The following TRPV4 variants were observed in gnomAD, a reference collection of about 807,000 sequenced individuals.
TRPV4 encodes the protein OSM9-like transient receptor potential channel 4.
In TRPV4, 58 loss-of-function variants were observed where a neutral mutation model predicts 84.1. That is an observed-to-expected ratio of 0.69 (90% confidence interval 0.56 to 0.86). The LOEUF is 0.86. Among genes scored for constraint, TRPV4 ranks in the 40% least tolerant of loss-of-function variants. The pLI, the probability that TRPV4 is intolerant of heterozygous loss-of-function variation, is 0.00. For synonymous variants in TRPV4, 489 were observed against 500.9 expected (o/e 0.98, Z 0.32); for missense variants, 879 against 1,181.1 (o/e 0.74, Z 3.75).
intron 12 of TRPV4, among the ~76,000 whole-genome samples, chr12:109,789,571 T>C (rs561257647): frequency 1.3e-5 from 2 of 152,260 alleles, no homozygotes; most frequent in Admixed American, 6.5e-5. Context: ...GGTTCTCCTT[T>C]CCTACTAAGC....
In TRPV4 at chr12:109,814,806, A is replaced by G; in HGVS notation, c.-10T>C. 2.6e-6 allele frequency: 4 copies of G among 1,537,958 alleles called. No homozygotes were observed. Among genetic ancestry groups the G allele is most frequent in the Non-Finnish European group, 3.5e-6 (4 of 1,146,880 alleles). On this transcript the variant is annotated 5_prime_UTR_variant, in exon 2 of 16. Transcript: ENST00000261740. This position sits in a 1 kb window ranked among gnomAD's most constrained non-coding sequence, Gnocchi z 5.4. ...CGCTGGAATCCGCCATGCCTGCCCC[A>G]GGCCCGTCTGCACTGCTCAGCCTGC...
At chr12:109,790,627 A>G (rs1360815045) in intron 12 of TRPV4, among the ~76,000 whole-genome samples, 4 of 152,088 alleles carry the variant, frequency 2.6e-5, no homozygotes, top group African/African-American at 9.7e-5. Context: ...TCGCGCCTAT[A>G]ATCCTGCACT....
intron 2 of TRPV4, among the ~76,000 whole-genome samples, chr12:109,809,431 T>A (rs111173944): frequency 7.0e-6 from 1 of 143,414 alleles, no homozygotes; most frequent in African/African-American, 2.6e-5. Flanking sequence ...CACTGATCCA[T>A]CCATCCATCC....
intron 1 of TRPV4, among the ~76,000 whole-genome samples, chr12:109,829,029 T>C (rs1425235408): frequency 6.7e-6 from 1 of 149,948 alleles, no homozygotes; most frequent in African/African-American, 2.5e-5. Context: ...GAAAAAAACC[T>C]TTTTTTTTAA....
chr12:109,821,858 T>C (rs1018819587), intron 1 of TRPV4, among the ~76,000 whole-genome samples: 1 of 152,188 alleles, frequency 6.6e-6, no homozygotes, highest in Non-Finnish European at 1.5e-5. Flanking sequence ...ATTCATCTTC[T>C]CTCTTCACCT....
At chr12:109,807,674 G>A (rs1475979286) in intron 3 of TRPV4, among the ~76,000 whole-genome samples, 2 of 152,210 alleles carry the variant, frequency 1.3e-5, no homozygotes, top group Non-Finnish European at 2.9e-5. Context: ...TAAGGCCTGG[G>A]GCTGTGGAGG....
At chr12:109,788,756 C>T in intron 12 of TRPV4, 40 bp from the exon 13 acceptor site, 5 of 1,608,758 alleles carry the variant, frequency 3.1e-6, no homozygotes, top group Non-Finnish European at 4.3e-6. Flanking sequence ...AGTGTGAGCA[C>T]ACCCACAGAG....
chr12:109,820,498 A>G (rs1892049202), intron 1 of TRPV4, among the ~76,000 whole-genome samples: 1 of 136,786 alleles, frequency 7.3e-6, no homozygotes, highest in Non-Finnish European at 1.5e-5. Flanking sequence ...TCTGATCTTC[A>G]CTTTCTTCAG....
Position 109,788,445 on chromosome 12 carries a change from T to C in TRPV4, c.2163A>G (p.Thr721=), listed in dbSNP as rs750457141. ...TGCTCTCCTTGGAGACCTGGCCCAC[T>C]GTCTCGCCCATGAGGGCAATGAGCA... ...LNMLIALMGE[T]VGQVSKESKH... is the part of the protein sequence containing the mutation. The change falls in exon 13 of 16, where the codon ACA becomes ACG. Residue 721 remains threonine, a synonymous_variant. Coordinates refer to ENST00000261740, the MANE Select transcript of TRPV4 (RefSeq NM_021625.5). 1.2e-6 allele frequency: 2 copies of C among 1,614,074 alleles called. No homozygotes were observed. The highest frequency in any genetic ancestry group is 1.7e-6 in the Non-Finnish European group (2 of 1,180,036).
Position 109,796,737 on chromosome 12 carries a change from A to G in TRPV4, c.1153-33T>C, listed in dbSNP as rs1890425520. 2 of 1,589,212 alleles carry G rather than the reference A, an allele frequency of 1.3e-6. No homozygotes were observed. Among genetic ancestry groups the G allele is most frequent in the Non-Finnish European group, 1.7e-6 (2 of 1,165,830 alleles). ...GGGGGCCAGGAGGGTCAGGGGGCTC[A>G]CACTGGAAAGACCCCCAGGGCTGGG... On this transcript the variant is annotated intron_variant, in intron 6 of 15. Transcript: ENST00000261740. This position sits in a 1 kb window ranked among gnomAD's most constrained non-coding sequence, Gnocchi z 4.2.
In TRPV4 at chr12:109,788,721, G is replaced by A. The variant is rs764335092; in HGVS notation, c.1892-5C>T. On this transcript the variant is annotated splice_region_variant and splice_polypyrimidine_tract_variant and intron_variant, in intron 12 of 15. Coordinates refer to ENST00000261740, the MANE Select transcript of TRPV4 (RefSeq NM_021625.5). The stretch of plus-strand genomic sequence containing the variant: ...GGTTCAGGAGGGAGACCAGGGCTGT[G>A]GGAGGATAGGGGTGGCACTCACTGA... 2 of 1,614,004 alleles carry A rather than the reference G, an allele frequency of 1.2e-6. No individual in the cohort carries two copies. Among genetic ancestry groups the A allele is most frequent in the South Asian group, 2.2e-5 (2 of 91,090 alleles).
intron 1 of TRPV4, among the ~76,000 whole-genome samples, chr12:109,831,561 C>T (rs1892409385): frequency 6.6e-6 from 1 of 152,220 alleles, no homozygotes; most frequent in Admixed American, 6.5e-5. Flanking sequence ...CCAGAGCTGG[C>T]ACAGGTGAGC....
Position 109,798,980 on chromosome 12 carries a change from C to G in TRPV4, c.854-68G>C. The G allele has an allele frequency of 6.8e-7, 1 of 1,476,042 alleles. No homozygotes were observed. Among genetic ancestry groups the G allele is most frequent in the Non-Finnish European group, 9.3e-7 (1 of 1,080,180 alleles). The allele number at this position is 1,476,042 out of a possible 1,614,324, so 91.4% of individuals were successfully genotyped here. A position where few individuals can be genotyped will look rare whatever the true frequency, so the allele number is the denominator to read the frequency against. On this transcript the variant is annotated intron_variant, in intron 5 of 15. Transcript: ENST00000261740. The surrounding 1 kb of genome is among the most constrained non-coding windows in gnomAD (Gnocchi z 5.0). ...CAGGGTGGGACTCTGCCTGCAGACA[C>G]TCGGGGGACGGACACCGTGGCGCTC... is the stretch of plus-strand genomic sequence containing the variant.
intron 1 of TRPV4, among the ~76,000 whole-genome samples, chr12:109,829,054 C>T (rs1892343788): frequency 6.6e-6 from 1 of 152,002 alleles, no homozygotes; most frequent in Non-Finnish European, 1.5e-5. Context: ...CTGGGTGTGT[C>T]CCAACTACTT....
rs763980853 is a variant in TRPV4, at chr12:109,814,633, C to T, written c.164G>A (p.Ser55Asn). Residue 55 changes from serine (S) to asparagine (N), a missense_variant, in exon 2 of 16, where the codon AGT becomes AAT. This residue lies in a region of TRPV4 where 107 missense variants were observed against 99.4 expected (regional missense o/e 1.08). Coordinates refer to ENST00000261740, the MANE Select transcript of TRPV4 (RefSeq NM_021625.5). The surrounding 1 kb of genome is among the most constrained non-coding windows in gnomAD (Gnocchi z 5.4). The stretch of plus-strand genomic sequence containing the variant: ...CCCATCGCCTGGGCCAGCAGGGCGA[C>T]TGGCATCAGCCGGTGAGGGCGAAAG... ...GSLSPSPADA[S>N]RPAGPGDGRP... The T allele has an allele frequency of 6.2e-7, 1 of 1,613,936 alleles. No individual in the cohort carries two copies. Among genetic ancestry groups the T allele is most frequent in the South Asian group, 1.1e-5 (1 of 91,080 alleles).
At chr12:109,831,507 A>G (rs1335124341) in intron 1 of TRPV4, among the ~76,000 whole-genome samples, 3 of 152,262 alleles carry the variant, frequency 2.0e-5, no homozygotes, top group African/African-American at 7.2e-5. Context: ...CTCAGGCTAC[A>G]GCGAAGCTGG....
In TRPV4 at chr12:109,814,509, C is replaced by T. The variant is rs1456271134; in HGVS notation, c.288G>A (p.Val96=). ...CCATGGGTGCTTTCTTGGGCCCAGGCACCACCGAGGACTCATATAGGGTGG... is the reference window on the plus strand; with the variant it reads ...CCATGGGTGCTTTCTTGGGCCCAGGTACCACCGAGGACTCATATAGGGTGG... ...LESTLYESSV[V]PGPKKAPMDS... is the part of the protein sequence containing the mutation. Residue 96 remains valine, a synonymous_variant, in exon 2 of 16, where the codon GTG becomes GTA. Transcript: ENST00000261740. This position sits in a 1 kb window ranked among gnomAD's most constrained non-coding sequence, Gnocchi z 5.4. 2.5e-6 allele frequency: 4 copies of T among 1,613,950 alleles called. No homozygotes were observed. The highest frequency in any genetic ancestry group is 1.3e-5 in the African/African-American group (1 of 74,886).
chr12:109,827,887 G>A (rs1284378138), intron 1 of TRPV4, among the ~76,000 whole-genome samples: 1 of 150,548 alleles, frequency 6.6e-6, no homozygotes, highest in African/African-American at 2.5e-5. Flanking sequence ...TACACACACA[G>A]ACACACATAC....
chr12:109,801,074 G>A (rs1890755717), intron 4 of TRPV4, among the ~76,000 whole-genome samples: 1 of 152,230 alleles, frequency 6.6e-6, no homozygotes. Context: ...AGCAATTTGG[G>A]AGACCAAGGA....
Sources: gnomAD v4.1 joint callset for allele counts (sites outside exome capture counted in the v4.1 genomes callset) on GRCh38, gnomAD v4.1.1 for gene constraint, gnomAD v4.1.1 regional missense constraint, Gnocchi (gnomAD v3.1) non-coding constraint, MANE v1.5 for transcripts, NCBI Gene and HGNC (gene_info 2026-07-23, HGNC 2026-07-21) for gene names.